Variants in SNTG1 observed in about 807,000 individuals in gnomAD.
SNTG1 encodes gamma-1-syntrophin.
SNTG1 carries 39 observed loss-of-function variants against 74.7 expected under a neutral mutation model. That is an observed-to-expected ratio of 0.52 (90% CI 0.40 to 0.68). The LOEUF (loss-of-function observed/expected upper bound fraction) is 0.68. Ranked by LOEUF, SNTG1 falls within the 30% of genes least tolerant of loss-of-function variation. SNTG1 has a pLI of 0.00. For synonymous variants in SNTG1, 254 were observed against 217.1 expected (o/e 1.17, Z -1.49); for missense variants, 685 against 609.5 (o/e 1.12, Z -1.30).
chr8:50,629,623 A>T (rs1422195805), intron 13 of SNTG1, among the ~76,000 whole-genome samples: 1 of 152,054 alleles, frequency 6.6e-6, no homozygotes, highest in Non-Finnish European at 1.5e-5. Context: ...CTAATTTTAG[A>T]ACCTGAGTGG....
At chr8:49,927,851 C>G (rs1807170101) in intron 1 of SNTG1, among the ~76,000 whole-genome samples, 2 of 151,978 alleles carry the variant, frequency 1.3e-5, no homozygotes, top group African/African-American at 4.8e-5. Flanking sequence ...GGAGTGGTGG[C>G]TCAAGCCTGT....
chr8:50,077,898 T>C (rs1822039512), intron 1 of SNTG1, among the ~76,000 whole-genome samples: 1 of 152,178 alleles, frequency 6.6e-6, no homozygotes, highest in Admixed American at 6.5e-5. Flanking sequence ...CTTTAGGTCT[T>C]TGATTAAATT....
intron 18 of SNTG1, among the ~76,000 whole-genome samples, chr8:50,781,209 G>A (rs1041761081): frequency 1.3e-5 from 2 of 152,166 alleles, no homozygotes; most frequent in African/African-American, 2.4e-5. Context: ...TTCTGTAGAT[G>A]TCTATTAAGT....
intron 10 of SNTG1, among the ~76,000 whole-genome samples, chr8:50,534,075 CA>C (rs1182837717): frequency 1.3e-5 from 2 of 152,038 alleles, no homozygotes; most frequent in Non-Finnish European, 2.9e-5. Context: ...GTTATATAAC[CA>C]AAATGTGAAA....
intron 2 of SNTG1, among the ~76,000 whole-genome samples, chr8:50,358,238 G>T (rs1237246667): frequency 6.6e-6 from 1 of 152,164 alleles, no homozygotes; most frequent in African/African-American, 2.4e-5. Flanking sequence ...AAATAGTTTT[G>T]CCATACAAAT....
chr8:50,497,183 AAAAACTTT>A (rs2093912341), intron 8 of SNTG1, among the ~76,000 whole-genome samples: 1 of 151,998 alleles, frequency 6.6e-6, no homozygotes, highest in South Asian at 2.1e-4. Flanking sequence ...TATACTTGAA[AAAAACTTT>A]AAGATTGAAG....
intron 2 of SNTG1, among the ~76,000 whole-genome samples, chr8:50,246,329 A>G (rs1422067922): frequency 2.6e-5 from 4 of 152,080 alleles, no homozygotes; most frequent in African/African-American, 9.7e-5. Flanking sequence ...AAAGACAACA[A>G]TAAAAATATC....
At chr8:50,788,456 G>A (rs970874808) in intron 18 of SNTG1, among the ~76,000 whole-genome samples, 1 of 151,934 alleles carries the variant, frequency 6.6e-6, no homozygotes, top group Non-Finnish European at 1.5e-5. Context: ...TGACTTAGTT[G>A]GCTCTCAATT....
intron 2 of SNTG1, among the ~76,000 whole-genome samples, chr8:50,257,971 C>G (rs770076575): frequency 3.3e-5 from 5 of 152,180 alleles, no homozygotes; most frequent in African/African-American, 4.8e-5. Context: ...AGGAAAGAAA[C>G]AGTCAAAGGA....
At chr8:50,610,407 G>A (rs960903286) in intron 13 of SNTG1, among the ~76,000 whole-genome samples, 5 of 151,988 alleles carry the variant, frequency 3.3e-5, no homozygotes, top group Non-Finnish European at 5.9e-5. Flanking sequence ...TGTGATTTGG[G>A]GGCTCTTTTC....
At chr8:50,701,755 TCCTTC>T in intron 15 of SNTG1, among the ~76,000 whole-genome samples, 1 of 74,848 alleles carries the variant, frequency 1.3e-5, no homozygotes, top group Non-Finnish European at 2.5e-5. Context: ...CTCCTTCTTC[TCCTTC>T]TTCTTCTTCT....
At chr8:50,559,478 A>G (rs1408951847) in intron 12 of SNTG1, among the ~76,000 whole-genome samples, 2 of 152,226 alleles carry the variant, frequency 1.3e-5, no homozygotes, top group African/African-American at 4.8e-5. Context: ...AAACTAGAGC[A>G]GGTTGAACAA....
At chr8:50,472,932 C>T (rs1229083401) in intron 8 of SNTG1, among the ~76,000 whole-genome samples, 2 of 152,036 alleles carry the variant, frequency 1.3e-5, no homozygotes, top group Non-Finnish European at 2.9e-5. Context: ...TGAAAAAATG[C>T]TCAACACACT....
At chr8:49,973,307 G>A (rs539464024) in intron 1 of SNTG1, among the ~76,000 whole-genome samples, 165 of 148,748 alleles carry the variant, frequency 1.1e-3, no homozygotes, top group Middle Eastern at 6.9e-3. Flanking sequence ...GGTGGGAATT[G>A]AACAATGAGA....
In SNTG1 at chr8:50,623,997, A is replaced by T. The variant is rs375957443; in HGVS notation, c.850-32912A>T. 8.6e-5 allele frequency among the ~76,000 whole-genome samples: 13 copies of T among 151,900 alleles called. 1 individual carries two copies. The highest frequency in any genetic ancestry group is 2.9e-4 in the African/African-American group (12 of 41,370). ...GCTATCTGGAAGTAATCCTCTATTAATGTAAATTCATTTTTTCTATATTCT... is the reference window on the plus strand; with the variant it reads ...GCTATCTGGAAGTAATCCTCTATTATTGTAAATTCATTTTTTCTATATTCT... On this transcript the variant is annotated intron_variant, in intron 13 of 18. Transcript: ENST00000642720.
intron 2 of SNTG1, among the ~76,000 whole-genome samples, chr8:50,342,855 C>A (rs2091359691): frequency 6.6e-6 from 1 of 152,120 alleles, no homozygotes. Context: ...AAAGGGAGAG[C>A]AGTCTCATCT....
chr8:50,116,502 C>G (rs1465342476), intron 1 of SNTG1, among the ~76,000 whole-genome samples: 1 of 152,124 alleles, frequency 6.6e-6, no homozygotes, highest in South Asian at 2.1e-4. Context: ...GACTTTAAAA[C>G]CACATAAGAT....
At chr8:49,997,190 G>C (rs1814307076) in intron 1 of SNTG1, among the ~76,000 whole-genome samples, 1 of 152,034 alleles carries the variant, frequency 6.6e-6, no homozygotes, top group Admixed American at 6.6e-5. Flanking sequence ...ATTTTATTGT[G>C]ATAATTATAT....
In SNTG1 at chr8:50,795,276, A is replaced by T. The variant is rs566477003; in HGVS notation, c.*2447A>T. The stretch of plus-strand genomic sequence containing the variant: ...TGATTAGTACAACAGCCAAAAAGTA[A>T]CAAAATACTATTCTCGTTTTCATCA... On this transcript the variant is annotated 3_prime_UTR_variant, in exon 19 of 19. Coordinates refer to ENST00000642720, the MANE Select transcript of SNTG1 (RefSeq NM_018967.5). The T allele has an allele frequency of 6.6e-6, 1 of 152,200 alleles. No individual in the cohort carries two copies. Among genetic ancestry groups the T allele is most frequent in the South Asian group, 2.1e-4 (1 of 4,830 alleles). The allele number at this position is 152,200 out of a possible 1,614,324, so 9.4% of individuals were successfully genotyped here.
Sources: allele counts gnomAD v4.1 joint callset (sites outside exome capture counted in the v4.1 genomes callset), GRCh38; gene constraint gnomAD v4.1.1; transcripts MANE v1.5; gene names NCBI Gene and HGNC (gene_info 2026-07-23, HGNC 2026-07-21).